The following SPMIP2 variants were observed in gnomAD, a reference collection of about 807,000 sequenced individuals.
The protein encoded by SPMIP2 is sperm microtubule inner protein 2.
the SPMIP2 span, among the ~76,000 whole-genome samples, chr4:159,046,917 C>T: frequency 6.6e-6 from 1 of 152,208 alleles, no homozygotes; most frequent in Admixed American, 6.5e-5. Flanking sequence ...AGCATCAAAG[C>T]TGACTCTATA....
At chr4:158,930,191 G>GTCTCTCTCTCTCTCTCTC in the SPMIP2 span, among the ~76,000 whole-genome samples, 365 of 144,224 alleles carry the variant, frequency 2.5e-3, 4 homozygotes, top group African/African-American at 8.5e-3. Flanking sequence ...GAGGATCTCA[G>GTCTCTCTCTCTCTCTCTC]TCTCTCTCTC....
chr4:159,050,697 G>A, the SPMIP2 span, among the ~76,000 whole-genome samples: 1 of 151,822 alleles, frequency 6.6e-6, no homozygotes, highest in Non-Finnish European at 1.5e-5. Flanking sequence ...CCAGGAGGCT[G>A]AGGTGAGTGG....
At chr4:159,075,887 A>G in the SPMIP2 span, among the ~76,000 whole-genome samples, 6 of 152,050 alleles carry the variant, frequency 3.9e-5, no homozygotes, top group Admixed American at 3.9e-4. Flanking sequence ...ATAATGCTAA[A>G]ACTTTTGCTT....
chr4:159,051,113 A>AG, the SPMIP2 span, among the ~76,000 whole-genome samples: 1 of 151,812 alleles, frequency 6.6e-6, no homozygotes, highest in Non-Finnish European at 1.5e-5. Context: ...CGTCTCAGAA[A>AG]AAAAAAAAAA....
the SPMIP2 span, among the ~76,000 whole-genome samples, chr4:158,908,891 T>C: frequency 6.6e-6 from 1 of 152,156 alleles, no homozygotes; most frequent in Non-Finnish European, 1.5e-5. Context: ...TTTCACCATG[T>C]TAGCCAGGCT....
the SPMIP2 span, among the ~76,000 whole-genome samples, chr4:158,980,124 C>A: frequency 6.6e-6 from 1 of 152,152 alleles, no homozygotes; most frequent in Admixed American, 6.5e-5. Flanking sequence ...CACAGCTCAG[C>A]AAAGCCACTG....
the SPMIP2 span, among the ~76,000 whole-genome samples, chr4:158,984,147 A>T: frequency 1.9e-5 from 2 of 107,618 alleles, no homozygotes; most frequent in Non-Finnish European, 3.9e-5. Flanking sequence ...TCATAAAGCA[A>T]GTCCTGAGTG....
chr4:159,049,688 T>G, the SPMIP2 span, among the ~76,000 whole-genome samples: 4 of 152,214 alleles, frequency 2.6e-5, no homozygotes, highest in African/African-American at 9.7e-5. Context: ...TTCTTAAAGG[T>G]ATTTATTCTT....
At chr4:158,908,756 G>A in the SPMIP2 span, among the ~76,000 whole-genome samples, 1 of 152,084 alleles carries the variant, frequency 6.6e-6, no homozygotes, top group Non-Finnish European at 1.5e-5. Flanking sequence ...GTGCAATCTC[G>A]GCTCACTGCA....
chr4:159,033,952 A>T, the SPMIP2 span, among the ~76,000 whole-genome samples: 6 of 152,086 alleles, frequency 3.9e-5, no homozygotes, highest in Non-Finnish European at 8.8e-5. Context: ...GTGAAACCCC[A>T]TTTCTACTAA....
the SPMIP2 span, among the ~76,000 whole-genome samples, chr4:158,977,887 C>A: frequency 6.6e-6 from 1 of 152,180 alleles, no homozygotes; most frequent in African/African-American, 2.4e-5. Context: ...GCTGGGATTA[C>A]AGGTGTGAGC....
the SPMIP2 span, among the ~76,000 whole-genome samples, chr4:158,918,594 T>G: frequency 3.3e-5 from 5 of 152,262 alleles, no homozygotes; most frequent in Non-Finnish European, 7.3e-5. Context: ...ACTTAAGTGC[T>G]AAAATATTTT....
the SPMIP2 span, among the ~76,000 whole-genome samples, chr4:158,991,083 TG>T: frequency 6.6e-6 from 1 of 152,036 alleles, no homozygotes; most frequent in African/African-American, 2.4e-5. Context: ...CTGCTAAAAT[TG>T]GTAAAGTTGA....
the SPMIP2 span, chr4:159,007,977 C>T: frequency 2.7e-6 from 1 of 367,126 alleles, no homozygotes; most frequent in South Asian, 2.1e-5. Flanking sequence ...TGGCATGCGC[C>T]TGTAGTCCCA....
chr4:159,064,753 A>T, the SPMIP2 span, among the ~76,000 whole-genome samples: 9,203 of 152,248 alleles, frequency 0.06, 376 homozygotes, highest in South Asian at 0.087. Context: ...GCATATATTT[A>T]TATGTTTTTA....
the SPMIP2 span, among the ~76,000 whole-genome samples, chr4:158,937,867 A>G: frequency 6.6e-6 from 1 of 152,232 alleles, no homozygotes; most frequent in African/African-American, 2.4e-5. Flanking sequence ...TTATTTGATG[A>G]CAATAAATTC....
the SPMIP2 span, among the ~76,000 whole-genome samples, chr4:159,062,581 T>C: frequency 6.6e-6 from 1 of 152,214 alleles, no homozygotes; most frequent in Non-Finnish European, 1.5e-5. Context: ...CAAAACCCTT[T>C]ATCACCTCAC....
At chr4:159,059,743 G>A in the SPMIP2 span, among the ~76,000 whole-genome samples, 3 of 152,202 alleles carry the variant, frequency 2.0e-5, no homozygotes, top group African/African-American at 7.2e-5. Flanking sequence ...GATAATGTCT[G>A]AACAGGGAAA....
At chr4:159,060,747 G>A in the SPMIP2 span, among the ~76,000 whole-genome samples, 2 of 152,096 alleles carry the variant, frequency 1.3e-5, no homozygotes, top group Non-Finnish European at 2.9e-5. Flanking sequence ...TTAACCTTAT[G>A]TAAATTCTAA....
Sources: gnomAD v4.1 joint callset for allele counts (sites outside exome capture counted in the v4.1 genomes callset) on GRCh38, gnomAD v4.1.1 for gene constraint, MANE v1.5 for transcripts, NCBI Gene and HGNC (gene_info 2026-07-23, HGNC 2026-07-21) for gene names.